Variants in GRSF1 observed in about 807,000 individuals in gnomAD.
The protein encoded by GRSF1 is G-rich RNA sequence binding factor 1.
Under a neutral mutation model 51.1 loss-of-function variants are expected in GRSF1, and 50 were observed. That is an observed-to-expected ratio of 0.98 (90% CI 0.78 to 1.24). The LOEUF (loss-of-function observed/expected upper bound fraction) is 1.24. Ranked by LOEUF, GRSF1 falls within the 50% of genes most tolerant of loss-of-function variation. The probability of loss-of-function intolerance (pLI) is 0.00; values close to 1 mark genes in which losing one functional copy is unlikely to be tolerated. For missense variants in GRSF1, 700 were observed against 639.7 expected (o/e 1.09, Z -1.02); for synonymous variants, 293 against 253.3 (o/e 1.16, Z -1.49).
intron 9 of GRSF1, among the ~76,000 whole-genome samples, chr4:70,822,409 C>G (rs1457125431): frequency 2.6e-5 from 4 of 151,596 alleles, no homozygotes; most frequent in Non-Finnish European, 5.9e-5. Context: ...ATGGTGAAAC[C>G]CCGTCTCTAC....
chr4:70,841,212 G>A (rs140208962), upstream of GRSF1, among the ~76,000 whole-genome samples: 877 of 152,316 alleles, frequency 5.8e-3, 4 homozygotes, highest in Non-Finnish European at 8.5e-3. Flanking sequence ...CAGCCCAGAA[G>A]GTAGAGGCTG....
intron 9 of GRSF1, 54 bp downstream of exon 9, chr4:70,824,240 G>T (rs1733642896): frequency 1.3e-6 from 1 of 782,518 alleles, no homozygotes; most frequent in South Asian, 1.5e-5. Flanking sequence ...AAAGTACTGG[G>T]ATTACAGGTG....
Position 70,825,277 on chromosome 4 carries a change from A to G in GRSF1, c.1393+19T>C, listed in dbSNP as rs1270015330. On this transcript the variant is annotated intron_variant, in intron 8 of 9. Transcript: ENST00000254799. ...GACAAGCATCAAAAATGACAACAAA[A>G]GCCAAAGGCAGGACTTACGAACGTG... The G allele has an allele frequency of 6.4e-7, 1 of 1,572,976 alleles. No individual in the cohort carries two copies. The highest frequency in any genetic ancestry group is 8.7e-7 in the Non-Finnish European group (1 of 1,153,706).
intron 5 of GRSF1, among the ~76,000 whole-genome samples, chr4:70,829,339 A>G (rs182082399): frequency 1.0e-5 from 1 of 97,170 alleles, no homozygotes; most frequent in East Asian, 3.5e-4. Flanking sequence ...TCTCTACAAA[A>G]GTTTTTTTTT....
In GRSF1 at chr4:70,815,921, G is replaced by T. The variant is rs1733292208; in HGVS notation, c.*4966C>A. On this transcript the variant is annotated 3_prime_UTR_variant, in exon 10 of 10. Transcript: ENST00000254799. ...ATAGAACACTGCTCAGCCATAAAAAGGAACAAAGCTTAAACACACTGATGA... is the reference window on the plus strand; with the variant it reads ...ATAGAACACTGCTCAGCCATAAAAATGAACAAAGCTTAAACACACTGATGA... The T allele has an allele frequency of 6.6e-6, 1 of 152,032 alleles. No individual in the cohort carries two copies. The highest frequency in any genetic ancestry group is 1.5e-5 in the Non-Finnish European group (1 of 68,014). The allele number at this position is 152,032 out of a possible 1,614,324, so 9.4% of individuals were successfully genotyped here. A position where few individuals can be genotyped will look rare whatever the true frequency, so the allele number is the denominator to read the frequency against.
rs766364186 is a variant in GRSF1, at chr4:70,827,990, CAT to C, written c.995_996del (p.His332ArgfsTer5). 1.9e-5 allele frequency: 31 copies of C among 1,613,574 alleles called. No individual in the cohort carries two copies. Among genetic ancestry groups the C allele is most frequent in the Admixed American group, 6.7e-5 (4 of 59,994 alleles). On this transcript the variant is annotated frameshift_variant, in exon 6 of 10. Transcript: ENST00000254799. LOFTEE classifies it high-confidence loss of function. ...FPSRRNEVRT[H>X]VGSYKGKKIA... ...ATTTTCTTTCCCTTATAAGAACCGACATGTGTTCGAACTTCATTCCTTCTGCT... is the reference window on the plus strand; with the variant it reads ...ATTTTCTTTCCCTTATAAGAACCGACGTGTTCGAACTTCATTCCTTCTGCT...
rs186413755 is a variant in GRSF1 at position 70,829,458 on chromosome 4, C to A, written c.951-1422G>T. Among the ~76,000 whole-genome samples the A allele has an allele frequency of 4.8e-3, 722 of 151,692 alleles. 10 individuals are homozygous for A. The highest frequency in any genetic ancestry group is 0.017 in the African/African-American group (697 of 41,352). On this transcript the variant is annotated intron_variant, in intron 5 of 9. Coordinates refer to ENST00000254799, the MANE Select transcript of GRSF1 (RefSeq NM_002092.4). ...ATCACTTGAGCTCAGGAGTGTGAGACCAGCTTGGGCAACATGCAAAACCCC... is the reference window on the plus strand; with the variant it reads ...ATCACTTGAGCTCAGGAGTGTGAGAACAGCTTGGGCAACATGCAAAACCCC...
upstream of GRSF1, among the ~76,000 whole-genome samples, chr4:70,841,850 G>A (rs191102305): frequency 2.0e-5 from 3 of 152,310 alleles, no homozygotes; most frequent in Admixed American, 2.0e-4. Context: ...AATACAGTCC[G>A]ACGGAGAGTA....
At chr4:70,825,929 C>T in intron 7 of GRSF1, 195 bp downstream of exon 7, 1 of 514,140 alleles carries the variant, frequency 1.9e-6, no homozygotes, top group Non-Finnish European at 3.4e-6. Context: ...GAGACTCTGT[C>T]ACAAAAAAAA....
chr4:70,831,345 A>C (rs2148842562), intron 5 of GRSF1, among the ~76,000 whole-genome samples, 194 bp downstream of exon 5: 1 of 152,162 alleles, frequency 6.6e-6, no homozygotes, highest in East Asian at 1.9e-4. Context: ...AAAAGAGTGA[A>C]ACTCTGTCTC....
intron 1 of GRSF1, 42 bp downstream of exon 1, chr4:70,839,429 C>A: frequency 6.8e-7 from 1 of 1,475,010 alleles, no homozygotes; most frequent in Non-Finnish European, 9.0e-7. Context: ...GCACGCGGCC[C>A]GGGAGGGATC....
chr4:70,822,176 A>C (rs1197965056), intron 9 of GRSF1, among the ~76,000 whole-genome samples: 2 of 152,148 alleles, frequency 1.3e-5, no homozygotes, highest in Non-Finnish European at 2.9e-5. Flanking sequence ...AAAATTATGT[A>C]CTTCCTAAGG....
chr4:70,836,102 T>G, intron 2 of GRSF1, 56 bp downstream of exon 2: 1 of 1,031,106 alleles, frequency 9.7e-7, no homozygotes, highest in Non-Finnish European at 1.3e-6. Context: ...CATACCTGCT[T>G]GTGAGAAACA....
At chr4:70,835,663 G>A (rs62323436) in intron 2 of GRSF1, among the ~76,000 whole-genome samples, 125,306 of 151,686 alleles carry the variant, frequency 0.83, 54,209 homozygotes, top group Non-Finnish European at 0.95. Flanking sequence ...GGATGGTCTC[G>A]ATCTCCTGAG....
intron 2 of GRSF1, among the ~76,000 whole-genome samples, chr4:70,833,773 T>A (rs2148844811): frequency 6.6e-6 from 1 of 152,170 alleles, no homozygotes; most frequent in South Asian, 2.1e-4. Flanking sequence ...CCCACCTTAG[T>A]CTCCCAAAGT....
rs200061572 is a variant in GRSF1, at chr4:70,827,946, A to G, written c.1041T>C (p.Ala347=). 7 of 1,612,078 alleles carry G rather than the reference A, an allele frequency of 4.3e-6. No individual in the cohort carries two copies. The highest frequency in any genetic ancestry group is 5.9e-6 in the Non-Finnish European group (7 of 1,178,220). The change falls in exon 6 of 10, where the codon GCT becomes GCC. Residue 347 remains alanine (A), a synonymous_variant. Transcript: ENST00000254799. ...CCATTTCTGGCTCAGTTATATACTT[A>G]GCAGTAGGAAAAGATGCGATTTTCT... ...KGKKIASFPT[A]KYITEPEMVF...
chr4:70,830,912 A>G (rs559466378), intron 5 of GRSF1, among the ~76,000 whole-genome samples: 5 of 152,226 alleles, frequency 3.3e-5, no homozygotes, highest in Non-Finnish European at 7.3e-5. Flanking sequence ...AGTGTTAGAT[A>G]TAACATTGAA....
At chr4:70,829,628 G>C (rs1464001474) in intron 5 of GRSF1, among the ~76,000 whole-genome samples, 1 of 152,086 alleles carries the variant, frequency 6.6e-6, no homozygotes, top group Non-Finnish European at 1.5e-5. Flanking sequence ...ACTCCAGCGA[G>C]GGTAACAGAA....
intron 1 of GRSF1, chr4:70,838,823 C>T (rs1221128747): frequency 9.7e-6 from 2 of 206,086 alleles, no homozygotes; most frequent in East Asian, 3.3e-4. Context: ...ACAGCTAAAT[C>T]TCCAAACTGC....
Sources: allele counts gnomAD v4.1 joint callset (sites outside exome capture counted in the v4.1 genomes callset), GRCh38; gene constraint gnomAD v4.1.1; transcripts MANE v1.5; gene names NCBI Gene and HGNC (gene_info 2026-07-23, HGNC 2026-07-21).